The following PVR variants were observed in gnomAD, a reference collection of about 807,000 sequenced individuals.
PVR encodes poliovirus receptor.
PVR carries 39 observed loss-of-function variants against 43.3 expected under a neutral mutation model. That is an observed-to-expected ratio of 0.90 (90% CI 0.70 to 1.18). PVR has a LOEUF of 1.18. Ranked by LOEUF, PVR falls within the 50% of genes most tolerant of loss-of-function variation. PVR has a pLI of 0.00. For synonymous variants in PVR, 224 were observed against 233.2 expected, an observed-to-expected ratio of 0.96 and a Z score of 0.36; for missense variants, 480 against 549.7, an observed-to-expected ratio of 0.87 and a Z score of 1.27.
At position 44,663,233 on chromosome 19, in the gene PVR, A is replaced by T. The variant is rs545464507; in HGVS notation, c.*1422A>T. 6.6e-6 allele frequency: 1 copy of T among 152,266 alleles called. No homozygotes were observed. Among genetic ancestry groups the T allele is most frequent in the Non-Finnish European group, 1.5e-5 (1 of 68,062 alleles). The allele number at this position is 152,266 out of a possible 1,614,324, so 9.4% of individuals were successfully genotyped here. A position where few individuals can be genotyped will look rare whatever the true frequency, so the allele number is the denominator to read the frequency against. ...AAAAGGTCTATGATCTTGAGGGCAG[A>T]CAGCAGAATTCCTCTTATAAAGAAA... On this transcript the variant is annotated 3_prime_UTR_variant, in exon 8 of 8. Coordinates refer to ENST00000425690, the MANE Select transcript of PVR (RefSeq NM_006505.5).
intron 2 of PVR, among the ~76,000 whole-genome samples, chr19:44,649,346 A>G (rs2123751460): frequency 6.6e-6 from 1 of 152,152 alleles, no homozygotes; most frequent in African/African-American, 2.4e-5. Flanking sequence ...TCAACAGACA[A>G]GGAAACTGAG....
intron 4 of PVR, among the ~76,000 whole-genome samples, chr19:44,655,552 C>T (rs1973420489): frequency 1.3e-5 from 2 of 152,150 alleles, no homozygotes; most frequent in African/African-American, 4.8e-5. Flanking sequence ...TCTTTTTTCT[C>T]TCTGTTTCTA....
At position 44,653,978 on chromosome 19, in the gene PVR, C is replaced by G. The variant is rs1973358304; in HGVS notation, c.803C>G (p.Ala268Gly). 1 of 1,614,042 alleles carries G rather than the reference C, an allele frequency of 6.2e-7. No homozygotes were observed. Among genetic ancestry groups the G allele is most frequent in the Admixed American group, 1.7e-5 (1 of 60,010 alleles). The change falls in exon 4 of 8, where the codon GCT becomes GGT. Residue 268 changes from alanine to glycine, a missense_variant. By Grantham distance (60) the Ala-to-Gly change is moderately conservative. Transcript: ENST00000425690. Reference sequence around the variant, plus strand: ...AATGAGGCCACCCTGACCTGCGATGCTCGCAGCAACCCAGAGCCCACAGGC... The same window carrying G: ...AATGAGGCCACCCTGACCTGCGATGGTCGCAGCAACCCAGAGCCCACAGGC... ...GQNEATLTCD[A>G]RSNPEPTGYN...
chr19:44,662,974 G>GCTGCAGCCACTTTCTGCCAGCAT lies in PVR; in HGVS notation c.*1196_*1218dup, dbSNP rs1377837554. The GCTGCAGCCACTTTCTGCCAGCAT allele has an allele frequency of 1.2e-4, 18 of 152,366 alleles. No individual in the cohort carries two copies. The East Asian group carries it at 1.7e-3, about 15-fold the overall frequency. 9.4% of individuals were successfully genotyped at this position (152,366 alleles called of 1,614,324 possible). A position where few individuals can be genotyped will look rare whatever the true frequency, so the allele number is the denominator to read the frequency against. ...GATGTGAACTTGAAGAAGGTTGTCA[G>GCTGCAGCCACTTTCTGCCAGCAT]CTGCAGCCACTTTCTGCCAGCATCT... On this transcript the variant is annotated 3_prime_UTR_variant, in exon 8 of 8. Coordinates refer to ENST00000425690, the MANE Select transcript of PVR (RefSeq NM_006505.5).
In PVR at chr19:44,645,415, G is replaced by GTGTA. The variant is rs1255385112; in HGVS notation, c.79+1241_79+1242insGTAT. 6.7e-4 allele frequency among the ~76,000 whole-genome samples: 56 copies of GTGTA among 83,822 alleles called. 1 individual carries two copies. Among genetic ancestry groups the GTGTA allele is most frequent in the African/African-American group, 3.0e-3 (53 of 17,642 alleles). 55.0% of individuals were successfully genotyped at this position (83,822 alleles called of 152,430 possible). On this transcript the variant is annotated intron_variant, in intron 1 of 7. Transcript: ENST00000425690. ...TTTATTATTTATTTATATGTTTTGT[G>GTGTA]TATATATATATATATATATATATAT... is the stretch of plus-strand genomic sequence containing the variant.
intron 3 of PVR, among the ~76,000 whole-genome samples, chr19:44,653,385 G>A (rs1394169295): frequency 1.1e-5 from 1 of 93,074 alleles, no homozygotes; most frequent in South Asian, 3.1e-4. Context: ...GGGTCTGAGC[G>A]AGGAGGAGAT....
chr19:44,654,158 T>C, intron 4 of PVR, 141 bp downstream of exon 4: 1 of 610,176 alleles, frequency 1.6e-6, no homozygotes, highest in South Asian at 2.0e-5. Context: ...GACGAGAGGC[T>C]GGGAGCCCGG....
rs1973228282 is a variant in PVR at position 44,649,840 on chromosome 19, G to C, written c.459G>C (p.Lys153Asn). 4.3e-6 allele frequency: 7 copies of C among 1,614,084 alleles called. No individual in the cohort carries two copies. The highest frequency in any genetic ancestry group is 5.9e-6 in the Non-Finnish European group (7 of 1,180,002). Residue 153 changes from lysine (K) to asparagine (N), a missense_variant, in exon 3 of 8, where the codon AAG becomes AAC. Lys to Asn is a moderately conservative substitution (Grantham distance 94, BLOSUM62 0). Coordinates refer to ENST00000425690, the MANE Select transcript of PVR (RefSeq NM_006505.5). ...CCCAGAACACAGCTGAGGTTCAGAA[G>C]GTCCAGCTCACTGGAGAGCCAGTGC... ...AKPQNTAEVQ[K>N]VQLTGEPVPM...
intron 4 of PVR, 54 bp downstream of exon 4, chr19:44,654,071 AG>A: frequency 1.5e-6 from 2 of 1,328,470 alleles, no homozygotes; most frequent in African/African-American, 1.5e-5. Flanking sequence ...TCTAGCACTG[AG>A]GGAGGAGGGG....
chr19:44,645,135 T>A (rs1478946933), intron 1 of PVR, among the ~76,000 whole-genome samples: 6,362 of 39,874 alleles, frequency 0.16, 1,194 homozygotes, highest in African/African-American at 0.52. Context: ...TATAATATAT[T>A]ATATATATTA....
intron 6 of PVR, among the ~76,000 whole-genome samples, chr19:44,659,664 GA>G (rs1385786566): frequency 2.0e-5 from 3 of 151,712 alleles, no homozygotes; most frequent in African/African-American, 7.3e-5. Flanking sequence ...GTATTTTTAG[GA>G]GAGACAGCGT....
chr19:44,652,467 T>C (rs1973308838), intron 3 of PVR, among the ~76,000 whole-genome samples: 1 of 152,184 alleles, frequency 6.6e-6, no homozygotes, highest in South Asian at 2.1e-4. Flanking sequence ...CACTGCAGCC[T>C]CCGCCTCTCG....
chr19:44,649,875 G>A lies in PVR; in HGVS notation c.494G>A (p.Arg165His), dbSNP rs778599347. ...QLTGEPVPMA[R>H]CVSTGGRPPA... Reference sequence around the variant, plus strand: ...ACTGGAGAGCCAGTGCCCATGGCCCGCTGCGTCTCCACAGGGGGTCGCCCG... The same window carrying A: ...ACTGGAGAGCCAGTGCCCATGGCCCACTGCGTCTCCACAGGGGGTCGCCCG... The change falls in exon 3 of 8, where the codon CGC becomes CAC. Residue 165 changes from arginine (R) to histidine (H), a missense_variant. Physicochemically the swap from Arg to His is conservative, Grantham distance 29 (BLOSUM62 0). Transcript: ENST00000425690. The A allele has an allele frequency of 2.5e-6, 4 of 1,613,910 alleles. No homozygotes were observed. Among genetic ancestry groups the A allele is most frequent in the African/African-American group, 1.3e-5 (1 of 75,024 alleles).
At chr19:44,660,824 A>T (rs1377574919) in intron 6 of PVR, among the ~76,000 whole-genome samples, 1 of 152,162 alleles carries the variant, frequency 6.6e-6, no homozygotes, top group Non-Finnish European at 1.5e-5. Context: ...ACGCCTGGCC[A>T]AGAGCAGGCA....
At position 44,661,746 on chromosome 19, in the gene PVR, T is replaced by G; in HGVS notation, c.1189T>G (p.Ser397Ala). The G allele has an allele frequency of 6.2e-7, 1 of 1,613,986 alleles. No homozygotes were observed. Among genetic ancestry groups the G allele is most frequent in the Non-Finnish European group, 8.5e-7 (1 of 1,179,922 alleles). ...HASASANGHV[S>A]YSAVSRENSS... ...TTTGAAAACCCTCTTCTAGCATGTC[T>G]CCTATTCAGCTGTGAGCAGAGAGAA... Residue 397 changes from serine to alanine, a missense_variant, in exon 8 of 8, where the codon TCC (serine) becomes GCC (alanine). Coordinates refer to ENST00000425690, the MANE Select transcript of PVR (RefSeq NM_006505.5).
chr19:44,650,706 G>A (rs892071294), intron 3 of PVR, among the ~76,000 whole-genome samples: 2 of 151,572 alleles, frequency 1.3e-5, no homozygotes, highest in African/African-American at 4.9e-5. Flanking sequence ...GGGATTAAAG[G>A]TGCACACCAC....
chr19:44,657,662 A>G, intron 4 of PVR, 100 bp from the exon 5 acceptor site: 1 of 1,246,690 alleles, frequency 8.0e-7, no homozygotes. Context: ...CGCTTATGCT[A>G]TAGAGGGCGT....
At chr19:44,659,788 A>G (rs1973547768) in intron 6 of PVR, among the ~76,000 whole-genome samples, 2 of 152,120 alleles carry the variant, frequency 1.3e-5, no homozygotes, top group East Asian at 3.9e-4. Context: ...GGCCTGTACA[A>G]TCTCCTTGAA....
chr19:44,661,403 G>A lies in PVR; in HGVS notation c.1182+80G>A, dbSNP rs368140332. 664 of 1,453,656 alleles carry A rather than the reference G, an allele frequency of 4.6e-4. 2 individuals carry two copies. The African/African-American group carries it at 8.3e-3, about 18-fold the overall frequency. 90.0% of individuals were successfully genotyped at this position (1,453,656 alleles called of 1,614,324 possible). The stretch of plus-strand genomic sequence containing the variant: ...AGACGTCTTCAGATGCCCACGGCCC[G>A]GCCTCAGGAGCCTGGGTCTTTTCTC... On this transcript the variant is annotated intron_variant, in intron 7 of 7. Coordinates refer to ENST00000425690, the MANE Select transcript of PVR (RefSeq NM_006505.5).
Sources: gnomAD v4.1 joint callset for allele counts (sites outside exome capture counted in the v4.1 genomes callset) on GRCh38, gnomAD v4.1.1 for gene constraint, MANE v1.5 for transcripts, NCBI Gene and HGNC (gene_info 2026-07-23, HGNC 2026-07-21) for gene names.